TGFB1: variants seen among roughly 807,000 people sequenced by gnomAD.
The protein encoded by TGFB1 is transforming growth factor beta-1 proprotein.
TGFB1 carries 19 observed loss-of-function variants against 43.8 expected under a neutral mutation model. The ratio of observed to expected loss-of-function variants is 0.43; its 90% CI spans 0.30 to 0.64. The LOEUF is 0.64. TGFB1 is among the 30% of genes least tolerant of loss of function. The pLI is 0.11. For missense variants in TGFB1, 445 were observed against 529.8 expected (o/e 0.84, Z 1.57); for synonymous variants, 221 against 236.3 (o/e 0.94, Z 0.60).
chr19:41,338,056 A>G (rs1025181709), intron 5 of TGFB1, among the ~76,000 whole-genome samples: 1 of 149,718 alleles, frequency 6.7e-6, no homozygotes, highest in East Asian at 2.0e-4. Context: ...CCCGGGTGCG[A>G]TGGCGGATGC....
rs2037921621 is a variant in TGFB1 at position 41,330,933 on chromosome 19, GGGGCCCCA to G, written c.*111_*118del. 3.2e-6 allele frequency: 3 copies of G among 949,532 alleles called. No homozygotes were observed. The highest frequency in any genetic ancestry group is 4.4e-6 in the Non-Finnish European group (3 of 678,574). 58.8% of individuals were successfully genotyped at this position (949,532 alleles called of 1,614,324 possible). On this transcript the variant is annotated 3_prime_UTR_variant, in exon 7 of 7. Transcript: ENST00000221930. ...CCGCAGTCCTCTCTCCATCTTTAATGGGGCCCCAGGTGGGCTTGGGGCACGGGTGTCCT... is the reference window on the plus strand; with the variant it reads ...CCGCAGTCCTCTCTCCATCTTTAATGGGTGGGCTTGGGGCACGGGTGTCCT...
At chr19:41,332,307 G>T in intron 5 of TGFB1, 26 bp from the exon 6 acceptor site, 1 of 1,606,596 alleles carries the variant, frequency 6.2e-7, no homozygotes, top group South Asian at 1.1e-5. Context: ...ACGCGTCAGG[G>T]GCAGGGAGGG....
At chr19:41,332,492 A>G (rs1253840434) in intron 5 of TGFB1, among the ~76,000 whole-genome samples, 1 of 152,234 alleles carries the variant, frequency 6.6e-6, no homozygotes, top group Non-Finnish European at 1.5e-5. Context: ...GCTAAGAGCA[A>G]TGTAATAATT....
chr19:41,351,470 C>G (rs1055261805), intron 1 of TGFB1, among the ~76,000 whole-genome samples: 1 of 152,158 alleles, frequency 6.6e-6, no homozygotes, highest in Non-Finnish European at 1.5e-5. Context: ...TGCCCCGTCT[C>G]GCCCCGGGCT....
intron 5 of TGFB1, among the ~76,000 whole-genome samples, chr19:41,340,755 C>T (rs1336905088): frequency 6.6e-6 from 1 of 152,206 alleles, no homozygotes; most frequent in African/African-American, 2.4e-5. Flanking sequence ...GGACTCCAAT[C>T]TGCCAACACT....
At chr19:41,346,653 C>T (rs1328455273) in intron 2 of TGFB1, among the ~76,000 whole-genome samples, 1 of 152,180 alleles carries the variant, frequency 6.6e-6, no homozygotes, top group African/African-American at 2.4e-5. Flanking sequence ...TCTGCAACAT[C>T]CAAAATAGTA....
intron 1 of TGFB1, among the ~76,000 whole-genome samples, chr19:41,351,884 G>C (rs1280720697): frequency 6.6e-6 from 1 of 151,588 alleles, no homozygotes; most frequent in African/African-American, 2.4e-5. Context: ...TCTCGGTAAA[G>C]CCCTTCCCAT....
At position 41,331,118 on chromosome 19, in the gene TGFB1, G is replaced by C; in HGVS notation, c.1107C>G (p.Tyr369Ter). Residue 369 changes from tyrosine (Y) to a stop codon, truncating the protein, a stop_gained, in exon 7 of 7, where the codon TAC becomes TAG. Coordinates refer to ENST00000221930, the MANE Select transcript of TGFB1 (RefSeq NM_000660.7). LOFTEE classifies it high-confidence loss of function. ...GCTCCACCTTGGGCTTGCGGCCCAC[G>C]TAGTACACGATGGGCAGCGGCTCCA... ...QALEPLPIVY[Y>*]VGRKPKVEQL... 1 of 1,585,332 alleles carries C rather than the reference G, an allele frequency of 6.3e-7. No homozygotes were observed. The highest frequency in any genetic ancestry group is 8.6e-7 in the Non-Finnish European group (1 of 1,167,942).
intron 5 of TGFB1, among the ~76,000 whole-genome samples, chr19:41,339,311 G>A (rs181920987): frequency 1.3e-5 from 2 of 152,022 alleles, no homozygotes; most frequent in African/African-American, 4.8e-5. Context: ...CAGAGGCAGG[G>A]TTTTAACATG....
At chr19:41,331,270 A>C in intron 6 of TGFB1, 60 bp from the exon 7 acceptor site, 1 of 1,443,324 alleles carries the variant, frequency 6.9e-7, no homozygotes, top group Non-Finnish European at 9.1e-7. Context: ...ACGGCCCTCC[A>C]CTGCCCCATC....
chr19:41,345,080 G>A (rs147202556), intron 2 of TGFB1, among the ~76,000 whole-genome samples: 41 of 152,262 alleles, frequency 2.7e-4, no homozygotes, highest in African/African-American at 7.9e-4. Flanking sequence ...CTCAGGCTGC[G>A]GTCAAGTCAC....
chr19:41,353,337 G>T lies in TGFB1; in HGVS notation c.-293C>A. ...AGAGATCCGTCTCCTGGAGGAGAAA[G>T]GGTCTAGGATGCGCGGGGGCTCAGG... On this transcript the variant is annotated 5_prime_UTR_variant, in exon 1 of 7. Transcript: ENST00000221930. This position sits in a 1 kb window ranked among gnomAD's most constrained non-coding sequence, Gnocchi z 5.9. 2.6e-6 allele frequency: 1 copy of T among 384,882 alleles called. No individual in the cohort carries two copies. Among genetic ancestry groups the T allele is most frequent in the East Asian group, 4.3e-5 (1 of 23,248 alleles). The allele number at this position is 384,882 out of a possible 1,614,324, so 23.8% of individuals were successfully genotyped here. A position where few individuals can be genotyped will look rare whatever the true frequency, so the allele number is the denominator to read the frequency against.
chr19:41,330,394 T>C lies in TGFB1; in HGVS notation c.*658A>G, dbSNP rs905777574. ...TCCAGAGTAGCTGGGACCACAGGTG[T>C]ACATTTTTTAAAAGTGTTTTGTAGA... On this transcript the variant is annotated 3_prime_UTR_variant, in exon 7 of 7. Coordinates refer to ENST00000221930, the MANE Select transcript of TGFB1 (RefSeq NM_000660.7). 3.9e-5 allele frequency: 6 copies of C among 152,146 alleles called. No homozygotes were observed. The highest frequency in any genetic ancestry group is 5.9e-5 in the Non-Finnish European group (4 of 68,040). The allele number at this position is 152,146 out of a possible 1,614,324, so 9.4% of individuals were successfully genotyped here. A position where few individuals can be genotyped will look rare whatever the true frequency, so the allele number is the denominator to read the frequency against.
At chr19:41,348,204 C>T (rs2038139316) in intron 2 of TGFB1, 91 bp downstream of exon 2, 2 of 1,501,434 alleles carry the variant, frequency 1.3e-6, no homozygotes, top group Non-Finnish European at 1.8e-6. Flanking sequence ...CTAGGTGGAC[C>T]TTGTAACCAG....
In TGFB1 at chr19:41,348,370, G is replaced by C. The variant is rs200674778; in HGVS notation, c.441C>G (p.Pro147=). 6 of 1,613,412 alleles carry C rather than the reference G, an allele frequency of 3.7e-6. No homozygotes were observed. The African/African-American group carries it at 8.0e-5, about 22-fold the overall frequency. Residue 147 remains proline (P), a synonymous_variant, in exon 2 of 7, where the codon CCC becomes CCG. Coordinates refer to ENST00000221930, the MANE Select transcript of TGFB1 (RefSeq NM_000660.7). ...TSELREAVPE[P]VLLSRAELRL... is the part of the protein sequence containing the mutation. ...GCAGCTCTGCCCGGGAGAGCAACAC[G>C]GGTTCAGGTACCGCTTCTCGGAGCT... is the stretch of plus-strand genomic sequence containing the variant.
Position 41,331,059 on chromosome 19 carries a change from C to G in TGFB1, c.1166G>C (p.Cys389Ser). 1.3e-6 allele frequency: 2 copies of G among 1,564,862 alleles called. No individual in the cohort carries two copies. The highest frequency in any genetic ancestry group is 1.7e-6 in the Non-Finnish European group (2 of 1,157,456). The stretch of plus-strand genomic sequence containing the variant: ...GCGGGGCGGGGCGGGACCTCAGCTG[C>G]ACTTGCAGGAGCGCACGATCATGTT... Reference protein sequence around the residue: ...LSNMIVRSCKCS With the variant: ...LSNMIVRSCKSS Residue 389 changes from cysteine to serine, a missense_variant, in exon 7 of 7, where the codon TGC becomes TCC. Cys to Ser is a moderately radical substitution (Grantham distance 112). Coordinates refer to ENST00000221930, the MANE Select transcript of TGFB1 (RefSeq NM_000660.7).
intron 1 of TGFB1, among the ~76,000 whole-genome samples, chr19:41,350,294 G>A (rs1427808528): frequency 6.7e-6 from 1 of 148,474 alleles, no homozygotes; most frequent in Non-Finnish European, 1.5e-5. Context: ...AAGGAATTAA[G>A]GTGTTTTCTT....
At position 41,353,007 on chromosome 19, in the gene TGFB1, A is replaced by AGCAGCAGCG. The variant is rs1286308480; in HGVS notation, c.29_37dup (p.Pro10_Leu12dup). On this transcript the variant is annotated inframe_insertion, in exon 1 of 7. Coordinates refer to ENST00000221930, the MANE Select transcript of TGFB1 (RefSeq NM_000660.7). The surrounding 1 kb of genome is among the most constrained non-coding windows in gnomAD (Gnocchi z 5.9). Reference sequence around the variant, plus strand: ...CAGCACCAGTAGCCACAGCAGCGGTAGCAGCAGCGGCAGCAGCCGCAGCCC... The same window carrying AGCAGCAGCG: ...CAGCACCAGTAGCCACAGCAGCGGTAGCAGCAGCGGCAGCAGCGGCAGCAGCCGCAGCCC... 43 of 1,533,800 alleles carry AGCAGCAGCG rather than the reference A, an allele frequency of 2.8e-5. No individual in the cohort carries two copies. The highest frequency in any genetic ancestry group is 3.6e-5 in the Non-Finnish European group (41 of 1,144,296).
chr19:41,331,284 C>G (rs958640694), intron 6 of TGFB1, 74 bp from the exon 7 acceptor site: 10 of 1,421,722 alleles, frequency 7.0e-6, no homozygotes, highest in South Asian at 4.4e-5. Flanking sequence ...CCCCATCCCC[C>G]ACCCGCTACC....
Sources: allele counts gnomAD v4.1 joint callset (sites outside exome capture counted in the v4.1 genomes callset), GRCh38; gene constraint gnomAD v4.1.1; non-coding constraint Gnocchi (gnomAD v3.1); transcripts MANE v1.5; gene names NCBI Gene and HGNC (gene_info 2026-07-23, HGNC 2026-07-21).